Variants in RNF103 observed in about 807,000 individuals in gnomAD.
The protein encoded by RNF103 is ring finger protein 103.
In RNF103, 23 loss-of-function variants were observed where a neutral mutation model predicts 66.2. The ratio of observed to expected loss-of-function variants is 0.35; its 90% CI spans 0.25 to 0.49. RNF103 has a LOEUF of 0.49. Among genes scored for constraint, RNF103 ranks in the 20% least tolerant of loss-of-function variants. The pLI, the probability that RNF103 is intolerant of heterozygous loss-of-function variation, is 0.98. For synonymous variants in RNF103, 297 were observed against 289.9 expected, an observed-to-expected ratio of 1.02 and a Z score of -0.25; for missense variants, 730 against 814.7, an observed-to-expected ratio of 0.90 and a Z score of 1.27.
At chr2:86,616,788 T>A (rs971879303) in intron 2 of RNF103, 23 of 985,316 alleles carry the variant, frequency 2.3e-5, no homozygotes, top group Non-Finnish European at 2.8e-5. Context: ...TGTCCTTCTT[T>A]GAACTATGAC....
Position 86,615,447 on chromosome 2 carries a change from A to G in RNF103, c.367-3173T>C, listed in dbSNP as rs1005024130. Among the ~76,000 whole-genome samples, 7 of 151,174 alleles carry G rather than the reference A, an allele frequency of 4.6e-5. No homozygotes were observed. The East Asian group carries it at 7.8e-4, about 17-fold the overall frequency. On this transcript the variant is annotated intron_variant, in intron 2 of 3. Transcript: ENST00000237455. ...ACTATAAAAATGCTAATATTTTCAC[A>G]AAATAACTCATCTGGTTGAGTCACA...
chr2:86,611,983 A>T (rs1192126772), intron 3 of RNF103, among the ~76,000 whole-genome samples, 176 bp downstream of exon 3: 1 of 152,206 alleles, frequency 6.6e-6, no homozygotes, highest in African/African-American at 2.4e-5. Context: ...TCTTAGAGTG[A>T]AAGTCATTAG....
intron 3 of RNF103, among the ~76,000 whole-genome samples, chr2:86,608,110 T>C (rs1678639886): frequency 2.6e-5 from 4 of 152,160 alleles, no homozygotes; most frequent in Admixed American, 2.6e-4. Flanking sequence ...CCTTTTGAGT[T>C]CTCTTAGAGA....
rs1339282873 is a variant in RNF103 at position 86,603,698 on chromosome 2, TTC to T, written c.*143_*144del. 19 of 1,206,538 alleles carry T rather than the reference TTC, an allele frequency of 1.6e-5. No homozygotes were observed. The highest frequency in any genetic ancestry group is 1.5e-4 in the African/African-American group (10 of 65,206). 74.7% of individuals were successfully genotyped at this position (1,206,538 alleles called of 1,614,324 possible). On this transcript the variant is annotated 3_prime_UTR_variant, in exon 4 of 4. Coordinates refer to ENST00000237455, the MANE Select transcript of RNF103 (RefSeq NM_005667.4). ...TTAACACACAAGGCAACCAAATAAA[TTC>T]TGTCATCAACATTAGCATAATGTGT... is the stretch of plus-strand genomic sequence containing the variant.
intron 1 of RNF103, among the ~76,000 whole-genome samples, chr2:86,622,005 A>T (rs1466512023): frequency 1.3e-5 from 2 of 152,060 alleles, no homozygotes; most frequent in Non-Finnish European, 2.9e-5. Flanking sequence ...AGACAAAAAA[A>T]ATTTTTCTTT....
chr2:86,612,944 G>A (rs1455891670), intron 2 of RNF103: 1 of 152,144 alleles, frequency 6.6e-6, no homozygotes, highest in Non-Finnish European at 1.5e-5. Flanking sequence ...ATTAGGATTA[G>A]GAAAAGCAAA....
At position 86,622,904 on chromosome 2, in the gene RNF103, C is replaced by T; in HGVS notation, c.-18G>A. The T allele has an allele frequency of 6.4e-7, 1 of 1,570,724 alleles. No homozygotes were observed. Among genetic ancestry groups the T allele is most frequent in the South Asian group, 1.2e-5 (1 of 86,510 alleles). On this transcript the variant is annotated 5_prime_UTR_variant, in exon 1 of 4. Coordinates refer to ENST00000237455, the MANE Select transcript of RNF103 (RefSeq NM_005667.4). The stretch of plus-strand genomic sequence containing the variant: ...AGCCACATCTTCCCTGGAGTTTCCT[C>T]TCTTTCCAGAGAGCTCGGAATACGG...
rs536628765 is a variant in RNF103 at position 86,610,598 on chromosome 2, ATG to A, written c.482+1559_482+1560del. On this transcript the variant is annotated intron_variant, in intron 3 of 3. Coordinates refer to ENST00000237455, the MANE Select transcript of RNF103 (RefSeq NM_005667.4). ...GCATTCAACTTTATATATTTTTAAAATGTGTTTTTATTTGATGTTTTCTAATA... is the reference window on the plus strand; with the variant it reads ...GCATTCAACTTTATATATTTTTAAAATGTTTTTATTTGATGTTTTCTAATA... 3.5e-3 allele frequency among the ~76,000 whole-genome samples: 537 copies of A among 152,254 alleles called. 4 individuals are homozygous for A. Among genetic ancestry groups the A allele is most frequent in the African/African-American group, 0.011 (475 of 41,560 alleles).
Position 86,612,142 on chromosome 2 carries a change from T to C in RNF103, c.482+17A>G, listed in dbSNP as rs771610441. On this transcript the variant is annotated intron_variant, in intron 3 of 3. Coordinates refer to ENST00000237455, the MANE Select transcript of RNF103 (RefSeq NM_005667.4). ...CTGGTCAGGACTCAAATTCTAAGAA[T>C]TGCCTAATCAACTTACCTGGGATCA... 2 of 1,537,750 alleles carry C rather than the reference T, an allele frequency of 1.3e-6. No individual in the cohort carries two copies. The highest frequency in any genetic ancestry group is 1.2e-5 in the South Asian group (1 of 86,386).
intron 3 of RNF103, among the ~76,000 whole-genome samples, chr2:86,609,943 C>T (rs1331923080): frequency 1.3e-5 from 2 of 152,146 alleles, no homozygotes; most frequent in African/African-American, 2.4e-5. Context: ...ATTCTCTGCC[C>T]ACTTACACCC....
intron 2 of RNF103, chr2:86,615,349 G>A (rs926995225): frequency 1.1e-5 from 5 of 466,982 alleles, no homozygotes; most frequent in African/African-American, 8.5e-5. Context: ...TGTGTCCAAT[G>A]TCCTACATAG....
In RNF103 at chr2:86,623,790, G is replaced by T; in HGVS notation, c.-904C>A. On this transcript the variant is annotated 5_prime_UTR_variant, in exon 1 of 4. Transcript: ENST00000237455. The stretch of plus-strand genomic sequence containing the variant: ...CGCAGCACCCGTCCCCAACACCCCC[G>T]CCACCTCCGGAGACCGCGGCCGTAC... 1 of 1,281,988 alleles carries T rather than the reference G, an allele frequency of 7.8e-7. No individual in the cohort carries two copies. Among genetic ancestry groups the T allele is most frequent in the Non-Finnish European group, 1.0e-6 (1 of 986,072 alleles). 79.4% of individuals were successfully genotyped at this position (1,281,988 alleles called of 1,614,324 possible). A position where few individuals can be genotyped will look rare whatever the true frequency, so the allele number is the denominator to read the frequency against.
At chr2:86,609,836 A>G (rs535984088) in intron 3 of RNF103, among the ~76,000 whole-genome samples, 2 of 152,354 alleles carry the variant, frequency 1.3e-5, no homozygotes, top group African/African-American at 2.4e-5. Flanking sequence ...CAGCATAGAC[A>G]GTGGGGCACA....
intron 1 of RNF103, among the ~76,000 whole-genome samples, chr2:86,621,099 G>A (rs1260692801): frequency 6.6e-6 from 1 of 152,136 alleles, no homozygotes; most frequent in African/African-American, 2.4e-5. Flanking sequence ...ATATTAAACA[G>A]TGAGAAACCA....
At chr2:86,620,296 T>C (rs1454406705) in intron 2 of RNF103, 34 bp downstream of exon 2, 1 of 1,553,688 alleles carries the variant, frequency 6.4e-7, no homozygotes, top group Non-Finnish European at 8.8e-7. Context: ...TTTTTAGGGC[T>C]CTCGAATTAT....
chr2:86,604,570 T>C lies in RNF103; in HGVS notation c.1331A>G (p.Asn444Ser), dbSNP rs189717834. 7.4e-6 allele frequency: 12 copies of C among 1,613,960 alleles called. No individual in the cohort carries two copies. The Admixed American group carries it at 1.5e-4, about 20-fold the overall frequency. The stretch of plus-strand genomic sequence containing the variant: ...TAAGTTATTGGCATTGACTTCATCA[T>C]TGTTGTTGTTGCGCCTTCTCTTCTT... Reference protein sequence around the residue: ...FEKKRRRNNNNDEVNANNLEW... With the variant: ...FEKKRRRNNNSDEVNANNLEW... The change falls in exon 4 of 4, where the codon AAT (asparagine) becomes AGT (serine). Residue 444 changes from asparagine to serine, a missense_variant. Asn to Ser is a conservative substitution (Grantham distance 46). Around this residue, in one of 3 missense-constraint regions of RNF103, gnomAD observed 355 missense variants for 351.9 expected, o/e 1.01. Coordinates refer to ENST00000237455, the MANE Select transcript of RNF103 (RefSeq NM_005667.4).
chr2:86,606,112 T>A (rs1273002363), intron 3 of RNF103, among the ~76,000 whole-genome samples: 1 of 152,160 alleles, frequency 6.6e-6, no homozygotes, highest in African/African-American at 2.4e-5. Flanking sequence ...TCAGTGAAGA[T>A]CATGAAGGGG....
Position 86,623,147 on chromosome 2 carries a change from A to T in RNF103, c.-261T>A. 1 of 1,156,542 alleles carries T rather than the reference A, an allele frequency of 8.6e-7. No individual in the cohort carries two copies. The allele number at this position is 1,156,542 out of a possible 1,614,324, so 71.6% of individuals were successfully genotyped here. A position where few individuals can be genotyped will look rare whatever the true frequency, so the allele number is the denominator to read the frequency against. The stretch of plus-strand genomic sequence containing the variant: ...TCAAGAGCCGACAAAAATAAAGGGG[A>T]AAAACTCAAAACCCCCATCCATTAA... On this transcript the variant is annotated 5_prime_UTR_variant, in exon 1 of 4. Transcript: ENST00000237455.
chr2:86,622,516 A>G (rs1390087199), intron 1 of RNF103, 145 bp downstream of exon 1: 1 of 725,886 alleles, frequency 1.4e-6, no homozygotes, highest in Non-Finnish European at 2.3e-6. Flanking sequence ...CGCATACTTG[A>G]TTGTAGGAAG....
Sources: gnomAD v4.1 joint callset for allele counts (sites outside exome capture counted in the v4.1 genomes callset) on GRCh38, gnomAD v4.1.1 for gene constraint, gnomAD v4.1.1 regional missense constraint, MANE v1.5 for transcripts, NCBI Gene and HGNC (gene_info 2026-07-23, HGNC 2026-07-21) for gene names.